The following ANKRD6 variants were observed in gnomAD, a reference collection of about 807,000 sequenced individuals.
ANKRD6 encodes the protein ankyrin repeat domain-containing protein 6.
Under a neutral mutation model 82.3 loss-of-function variants are expected in ANKRD6, and 56 were observed. The observed-to-expected ratio is 0.68, with a 90% CI of 0.55 to 0.85. ANKRD6 has a LOEUF of 0.85. Ranked by LOEUF, ANKRD6 falls within the 40% of genes least tolerant of loss-of-function variation. ANKRD6 has a pLI of 0.00. For synonymous variants in ANKRD6, 347 were observed against 352.1 expected (o/e 0.99, Z 0.16); for missense variants, 852 against 907.6 (o/e 0.94, Z 0.79).
intron 1 of ANKRD6, among the ~76,000 whole-genome samples, chr6:89,524,212 A>G (rs1782196496): frequency 6.6e-6 from 1 of 151,926 alleles, no homozygotes; most frequent in African/African-American, 2.4e-5. Context: ...TACATGGATA[A>G]GTTCTTTGGT....
At chr6:89,513,484 T>A (rs1583019354) in intron 1 of ANKRD6, among the ~76,000 whole-genome samples, 1 of 152,362 alleles carries the variant, frequency 6.6e-6, no homozygotes, top group South Asian at 2.1e-4. Flanking sequence ...ATCCTTTTTG[T>A]ATCTGACCTC....
At chr6:89,629,752 C>T (rs1471749231) in intron 15 of ANKRD6, among the ~76,000 whole-genome samples, 31 of 152,224 alleles carry the variant, frequency 2.0e-4, no homozygotes, top group Admixed American at 2.0e-3. Flanking sequence ...TGATTATACT[C>T]AATAATGACA....
At chr6:89,538,306 A>G (rs916415635) in intron 1 of ANKRD6, among the ~76,000 whole-genome samples, 1 of 152,174 alleles carries the variant, frequency 6.6e-6, no homozygotes, top group Admixed American at 6.5e-5. Context: ...TCAAAGTGTG[A>G]TCTAATGCTG....
At chr6:89,504,364 T>C (rs934292749) in intron 1 of ANKRD6, among the ~76,000 whole-genome samples, 1 of 152,124 alleles carries the variant, frequency 6.6e-6, no homozygotes. Flanking sequence ...GCTCTTATTA[T>C]TGAGACTCTT....
chr6:89,494,874 A>G (rs1778412162), intron 1 of ANKRD6, among the ~76,000 whole-genome samples: 1 of 152,232 alleles, frequency 6.6e-6, no homozygotes, highest in African/African-American at 2.4e-5. Flanking sequence ...ATTTTAGATC[A>G]GTCACTATGT....
At chr6:89,622,089 CCCTGCTTCGGCCAGGTTCA>C in intron 10 of ANKRD6, 63 bp downstream of exon 10, 2 of 1,501,912 alleles carry the variant, frequency 1.3e-6, no homozygotes, top group Non-Finnish European at 1.8e-6. Context: ...GAAACTATCT[CCCTGCTTCGGCCAGGTTCA>C]CCTGGTGGCT....
intron 1 of ANKRD6, among the ~76,000 whole-genome samples, chr6:89,513,252 GAAA>G (rs1310763225): frequency 6.6e-6 from 1 of 152,096 alleles, no homozygotes; most frequent in African/African-American, 2.4e-5. Flanking sequence ...TATACCAAAT[GAAA>G]AGTGCACAAA....
At chr6:89,463,026 T>G (rs1426899726) in intron 1 of ANKRD6, among the ~76,000 whole-genome samples, 1 of 152,018 alleles carries the variant, frequency 6.6e-6, no homozygotes, top group Non-Finnish European at 1.5e-5. Flanking sequence ...GCCCAGCTAA[T>G]TTTTTAAAAA....
intron 4 of ANKRD6, among the ~76,000 whole-genome samples, 185 bp downstream of exon 4, chr6:89,603,312 C>T (rs1797676259): frequency 6.6e-6 from 1 of 150,962 alleles, no homozygotes; most frequent in Admixed American, 6.6e-5. Flanking sequence ...GTATCCCAGC[C>T]AATTGTAATT....
chr6:89,435,280 C>G (rs919372929), intron 1 of ANKRD6, among the ~76,000 whole-genome samples: 3 of 152,162 alleles, frequency 2.0e-5, no homozygotes, highest in Non-Finnish European at 2.9e-5. Context: ...GTACGAGTCA[C>G]CCGGCTGAAG....
chr6:89,479,601 T>A (rs1776528360), intron 1 of ANKRD6, among the ~76,000 whole-genome samples: 1 of 149,632 alleles, frequency 6.7e-6, no homozygotes, highest in Non-Finnish European at 1.5e-5. Context: ...TATTTTTTAT[T>A]TTTATTTATT....
At chr6:89,544,121 G>T (rs1316224484) in intron 1 of ANKRD6, among the ~76,000 whole-genome samples, 10 of 152,076 alleles carry the variant, frequency 6.6e-5, no homozygotes, top group Non-Finnish European at 2.9e-5. Flanking sequence ...ATGGTCTGAT[G>T]GTTGGCTCTT....
At position 89,433,792 on chromosome 6, in the gene ANKRD6, C is replaced by T. The variant is rs73752758; in HGVS notation, c.-144+417C>T. Among the ~76,000 whole-genome samples, 11,498 of 152,278 alleles carry T rather than the reference C, an allele frequency of 0.076. 531 individuals are homozygous for T. Among genetic ancestry groups the T allele is most frequent in the South Asian group, 0.14 (691 of 4,832 alleles). On this transcript the variant is annotated intron_variant, in intron 1 of 15. Transcript: ENST00000339746. The surrounding 1 kb of genome is among the most constrained non-coding windows in gnomAD (Gnocchi z 4.3). ...TGGCCTGCGGCCGCCTCCGAATGAC[C>T]CCGTCCCTCCCCGCCCTGGACGACA...
chr6:89,594,298 A>G (rs999344097), intron 2 of ANKRD6, among the ~76,000 whole-genome samples: 2 of 152,024 alleles, frequency 1.3e-5, no homozygotes, highest in Non-Finnish European at 2.9e-5. Flanking sequence ...ACAAAAAAAT[A>G]GAAAAAATTG....
At chr6:89,547,534 G>A (rs1054794213) in intron 1 of ANKRD6, among the ~76,000 whole-genome samples, 1 of 152,126 alleles carries the variant, frequency 6.6e-6, no homozygotes, top group African/African-American at 2.4e-5. Flanking sequence ...CTCATGTAGG[G>A]GCTCCCTGAC....
chr6:89,575,311 G>T (rs1790869560), intron 2 of ANKRD6, among the ~76,000 whole-genome samples: 1 of 152,176 alleles, frequency 6.6e-6, no homozygotes, highest in Admixed American at 6.5e-5. Flanking sequence ...GGGGAAGAGG[G>T]ATTCTAGTTT....
intron 3 of ANKRD6, chr6:89,598,063 A>G: frequency 8.2e-6 from 8 of 974,424 alleles, no homozygotes; most frequent in Non-Finnish European, 9.8e-6. Context: ...AATGATATGA[A>G]GAATTTACTC....
At chr6:89,568,928 T>C (rs1196985258) in intron 2 of ANKRD6, among the ~76,000 whole-genome samples, 6 of 141,206 alleles carry the variant, frequency 4.2e-5, no homozygotes, top group Admixed American at 2.8e-4. Flanking sequence ...TTTATATATA[T>C]ATAATTTTTT....
chr6:89,567,172 G>T, intron 2 of ANKRD6, 76 bp downstream of exon 2: 2 of 1,528,192 alleles, frequency 1.3e-6, no homozygotes. Context: ...AAAAACTGCT[G>T]TGTTTGGTTC....
Sources: allele counts gnomAD v4.1 joint callset (sites outside exome capture counted in the v4.1 genomes callset), GRCh38; gene constraint gnomAD v4.1.1; non-coding constraint Gnocchi (gnomAD v3.1); transcripts MANE v1.5; gene names NCBI Gene and HGNC (gene_info 2026-07-23, HGNC 2026-07-21).